Variants in MTUS2 observed in about 807,000 individuals in gnomAD.
The protein encoded by MTUS2 is microtubule associated scaffold protein 2, also known as microtubule-associated tumor suppressor candidate 2.
Under a neutral mutation model 114.1 loss-of-function variants are expected in MTUS2, and 40 were observed. The ratio of observed to expected loss-of-function variants is 0.35; its 90% confidence interval spans 0.27 to 0.46. MTUS2 has a LOEUF of 0.46. Among genes scored for constraint, MTUS2 ranks in the 20% least tolerant of loss-of-function variants. The probability of loss-of-function intolerance (pLI) is 1.00; values close to 1 mark genes in which losing one functional copy is unlikely to be tolerated. For synonymous variants in MTUS2, 688 were observed against 672.0 expected, an observed-to-expected ratio of 1.02 and a Z score of -0.37; for missense variants, 1,679 against 1,705.4, an observed-to-expected ratio of 0.98 and a Z score of 0.27.
intron 8 of MTUS2, among the ~76,000 whole-genome samples, chr13:29,400,538 A>G (rs1325146105): frequency 6.6e-6 from 1 of 152,214 alleles, no homozygotes; most frequent in African/African-American, 2.4e-5. Flanking sequence ...AACACCTAAT[A>G]TCTAATCAAA....
intron 8 of MTUS2, among the ~76,000 whole-genome samples, chr13:29,417,755 C>T (rs1287089126): frequency 1.3e-5 from 2 of 151,988 alleles, no homozygotes; most frequent in African/African-American, 4.8e-5. Context: ...AGTTTTAGTA[C>T]ATTTAACTCA....
At chr13:29,411,794 A>G (rs1291060544) in intron 8 of MTUS2, among the ~76,000 whole-genome samples, 1 of 152,142 alleles carries the variant, frequency 6.6e-6, no homozygotes, top group Non-Finnish European at 1.5e-5. Context: ...TGTTTTGCAT[A>G]TTTTTGATGA....
chr13:29,249,958 G>A (rs559223644), intron 5 of MTUS2, among the ~76,000 whole-genome samples: 1 of 152,190 alleles, frequency 6.6e-6, no homozygotes, highest in East Asian at 1.9e-4. Context: ...TCAGGACATA[G>A]GCATGAGCAA....
At chr13:29,039,511 C>T (rs553854923) in intron 4 of MTUS2, among the ~76,000 whole-genome samples, 4 of 152,292 alleles carry the variant, frequency 2.6e-5, no homozygotes, top group East Asian at 1.9e-4. Flanking sequence ...TCTGGGGGAC[C>T]GGGGAAGCTC....
intron 6 of MTUS2, among the ~76,000 whole-genome samples, chr13:29,321,257 G>A (rs1442414020): frequency 6.6e-6 from 1 of 152,174 alleles, no homozygotes; most frequent in African/African-American, 2.4e-5. Context: ...CCAGGTCTAA[G>A]GAAAGAAGAC....
At chr13:28,863,692 T>G (rs1240903499) in intron 2 of MTUS2, among the ~76,000 whole-genome samples, 1 of 152,182 alleles carries the variant, frequency 6.6e-6, no homozygotes, top group East Asian at 1.9e-4. Flanking sequence ...TTAATTTATA[T>G]TTTTGTATTT....
chr13:29,354,027 C>T (rs1869526327), intron 7 of MTUS2, among the ~76,000 whole-genome samples: 1 of 152,160 alleles, frequency 6.6e-6, no homozygotes, highest in Non-Finnish European at 1.5e-5. Flanking sequence ...TCCTGACCTC[C>T]CTGAGCCCCT....
intron 4 of MTUS2, among the ~76,000 whole-genome samples, chr13:29,074,877 A>G (rs981531470): frequency 2.6e-5 from 4 of 152,168 alleles, no homozygotes; most frequent in African/African-American, 4.8e-5. Flanking sequence ...ATATTTCACT[A>G]TATATTTCCA....
At chr13:29,267,326 C>T (rs142865887) in intron 5 of MTUS2, among the ~76,000 whole-genome samples, 4 of 152,332 alleles carry the variant, frequency 2.6e-5, no homozygotes, top group East Asian at 1.9e-4. Context: ...CTCCCAACCA[C>T]GCCTTCCAAA....
chr13:28,911,375 C>T (rs1439582926), intron 2 of MTUS2, among the ~76,000 whole-genome samples: 1 of 151,784 alleles, frequency 6.6e-6, no homozygotes, highest in Non-Finnish European at 1.5e-5. Flanking sequence ...CAGGTTTCAC[C>T]ATGTTGGCCA....
At chr13:29,240,497 C>T (rs145810833) in intron 5 of MTUS2, among the ~76,000 whole-genome samples, 272 of 152,334 alleles carry the variant, frequency 1.8e-3, no homozygotes, top group African/African-American at 6.2e-3. Flanking sequence ...TTACAAAAGT[C>T]AAGTATGTTG....
intron 8 of MTUS2, among the ~76,000 whole-genome samples, chr13:29,423,096 C>A (rs1486864768): frequency 2.0e-5 from 3 of 152,154 alleles, no homozygotes; most frequent in Non-Finnish European, 4.4e-5. Context: ...ATTATCAGGA[C>A]CAGTTTATCT....
chr13:28,833,746 A>G (rs1429082753), intron 1 of MTUS2, among the ~76,000 whole-genome samples: 2 of 152,188 alleles, frequency 1.3e-5, no homozygotes, highest in Admixed American at 6.5e-5. Context: ...GGAAAGGAAG[A>G]AGTAAAATTA....
intron 5 of MTUS2, among the ~76,000 whole-genome samples, chr13:29,153,464 A>G (rs1390717631): frequency 1.3e-5 from 2 of 152,102 alleles, no homozygotes; most frequent in Non-Finnish European, 2.9e-5. Context: ...ACCTCTTCTC[A>G]TGCAATATTA....
intron 5 of MTUS2, among the ~76,000 whole-genome samples, chr13:29,115,647 A>G (rs548061906): frequency 2.0e-5 from 3 of 152,250 alleles, no homozygotes; most frequent in Admixed American, 1.3e-4. Context: ...AGTCATTCAT[A>G]ATTACATACG....
In MTUS2 at chr13:28,856,309, G is replaced by A. The variant is rs533745437; in HGVS notation, c.-243+16459G>A. ...CACACTAAGTATTGTTTGAGTAAAC[G>A]GATGGCTGCATATGTAGGGAAGTCC... is the stretch of plus-strand genomic sequence containing the variant. On this transcript the variant is annotated intron_variant, in intron 2 of 15. Coordinates refer to ENST00000612955, the MANE Select transcript of MTUS2 (RefSeq NM_001033602.4). Among the ~76,000 whole-genome samples the A allele has an allele frequency of 1.1e-3, 174 of 152,314 alleles. 2 individuals carry two copies. Among genetic ancestry groups the A allele is most frequent in the African/African-American group, 3.9e-3 (163 of 41,570 alleles).
chr13:28,908,056 A>G (rs547294838), intron 2 of MTUS2, among the ~76,000 whole-genome samples: 43 of 151,534 alleles, frequency 2.8e-4, no homozygotes, highest in Non-Finnish European at 5.3e-4. Context: ...TGGGGGGTTT[A>G]TCCCATTTGG....
intron 5 of MTUS2, among the ~76,000 whole-genome samples, chr13:29,261,788 A>G (rs867947089): frequency 6.6e-6 from 1 of 152,220 alleles, no homozygotes. Context: ...AACTACTAAG[A>G]TATTCAGACA....
At chr13:29,030,010 A>AT (rs1333384104) in intron 3 of MTUS2, among the ~76,000 whole-genome samples, 1 of 152,214 alleles carries the variant, frequency 6.6e-6, no homozygotes, top group Non-Finnish European at 1.5e-5. Flanking sequence ...ATTTTTCTCT[A>AT]TAAAAACAAA....
Sources: allele counts gnomAD v4.1 joint callset (sites outside exome capture counted in the v4.1 genomes callset), GRCh38; gene constraint gnomAD v4.1.1; transcripts MANE v1.5; gene names NCBI Gene and HGNC (gene_info 2026-07-23, HGNC 2026-07-21).